The following CEP55 variants were observed in gnomAD, a reference collection of about 807,000 sequenced individuals.
CEP55 encodes the protein centrosomal protein 55, also known as centrosomal protein of 55 kDa.
Under a neutral mutation model 63.2 loss-of-function variants are expected in CEP55, and 57 were observed. The observed-to-expected ratio is 0.90, with a 90% CI of 0.73 to 1.13. The LOEUF (loss-of-function observed/expected upper bound fraction) is 1.13, where lower values mean the gene tolerates loss of function less well. CEP55 is among the 50% of genes most tolerant of loss of function. The probability of loss-of-function intolerance (pLI) is 0.00; values close to 1 mark genes in which losing one functional copy is unlikely to be tolerated. For missense variants in CEP55, 456 were observed against 518.9 expected (o/e 0.88, Z 1.18); for synonymous variants, 178 against 191.6 (o/e 0.93, Z 0.59).
chr10:93,518,617 G>A (rs1348404828), intron 6 of CEP55, among the ~76,000 whole-genome samples: 4 of 152,172 alleles, frequency 2.6e-5, no homozygotes, highest in Non-Finnish European at 5.9e-5. Flanking sequence ...CAGGAAAGGG[G>A]GCATGGCTGC....
intron 8 of CEP55, among the ~76,000 whole-genome samples, chr10:93,523,154 A>G (rs1204225110): frequency 6.6e-6 from 1 of 152,204 alleles, no homozygotes; most frequent in Non-Finnish European, 1.5e-5. Flanking sequence ...AATTTGGATA[A>G]AGAGTCAAGA....
At chr10:93,515,701 T>C (rs2057797296) in intron 5 of CEP55, 146 bp downstream of exon 5, 1 of 767,758 alleles carries the variant, frequency 1.3e-6, no homozygotes, top group South Asian at 3.2e-5. Context: ...AATACCATTT[T>C]TGCAAGTTTT....
chr10:93,514,366 T>A (rs565500140), intron 4 of CEP55, among the ~76,000 whole-genome samples: 2 of 152,260 alleles, frequency 1.3e-5, no homozygotes, highest in African/African-American at 4.8e-5. Context: ...GAGTTTTTAA[T>A]TGGGTTATAA....
intron 8 of CEP55, among the ~76,000 whole-genome samples, chr10:93,525,057 C>T (rs1040587484): frequency 2.7e-4 from 41 of 151,102 alleles, no homozygotes; most frequent in Non-Finnish European, 1.0e-4. Context: ...TCTCACCACT[C>T]CTATTCAACA....
chr10:93,497,248 TCAAC>T (rs1365576388), intron 1 of CEP55, among the ~76,000 whole-genome samples: 2 of 152,172 alleles, frequency 1.3e-5, no homozygotes. Context: ...CTTCAGCTAA[TCAAC>T]CAATCATTTC....
In CEP55 at chr10:93,525,534, G is replaced by A. The variant is rs575261941; in HGVS notation, c.1192-2416G>A. Among the ~76,000 whole-genome samples the A allele has an allele frequency of 6.2e-3, 939 of 152,212 alleles. 8 individuals are homozygous for A. Among genetic ancestry groups the A allele is most frequent in the African/African-American group, 0.021 (891 of 41,532 alleles). ...GCCCAAGGTAATTTATAGATTCAAC[G>A]CCATCCCCATCAAGCTACCAATGAC... On this transcript the variant is annotated intron_variant, in intron 8 of 8. Coordinates refer to ENST00000371485, the MANE Select transcript of CEP55 (RefSeq NM_018131.5).
rs1215508361 is a variant in CEP55 at position 93,496,743 on chromosome 10, C to G, written c.-193C>G. On this transcript the variant is annotated 5_prime_UTR_variant, in exon 1 of 9. Transcript: ENST00000371485. ...GGCGAGGGGCGGCCAGGACCCGCAG[C>G]CCCGGGGCCGGGCCGGTCCGGACCG... 1 of 152,310 alleles carries G rather than the reference C, an allele frequency of 6.6e-6. No individual in the cohort carries two copies. Among genetic ancestry groups the G allele is most frequent in the Admixed American group, 6.5e-5 (1 of 15,292 alleles). 9.4% of individuals were successfully genotyped at this position (152,310 alleles called of 1,614,324 possible).
intron 8 of CEP55, among the ~76,000 whole-genome samples, chr10:93,520,737 T>C (rs1469661858): frequency 6.6e-6 from 1 of 152,078 alleles, no homozygotes; most frequent in African/African-American, 2.4e-5. Context: ...CAGTGAAATG[T>C]TACAAATATG....
intron 4 of CEP55, among the ~76,000 whole-genome samples, chr10:93,509,193 CTT>C (rs2057717912): frequency 6.6e-6 from 1 of 152,102 alleles, no homozygotes; most frequent in African/African-American, 2.4e-5. Flanking sequence ...ATGAAATTAA[CTT>C]TGAAATACTA....
chr10:93,515,007 A>C (rs1022240361), intron 4 of CEP55, among the ~76,000 whole-genome samples: 3 of 152,184 alleles, frequency 2.0e-5, no homozygotes, highest in African/African-American at 7.2e-5. Context: ...TCCTGACCTC[A>C]GGTGATCCAC....
intron 1 of CEP55, among the ~76,000 whole-genome samples, chr10:93,499,607 C>A (rs2057611128): frequency 6.6e-6 from 1 of 151,390 alleles, no homozygotes; most frequent in Non-Finnish European, 1.5e-5. Flanking sequence ...CAGCAACCTC[C>A]ACCTCCCGGG....
rs915830489 is a variant in CEP55, at chr10:93,524,358, C to G, written c.1192-3592C>G. On this transcript the variant is annotated intron_variant, in intron 8 of 8. Coordinates refer to ENST00000371485, the MANE Select transcript of CEP55 (RefSeq NM_018131.5). The stretch of plus-strand genomic sequence containing the variant: ...ATCTAGAAGAAATGGATAAATTCCT[C>G]GACACATACACCCTCCCAAGACTAA... Among the ~76,000 whole-genome samples, 748 of 152,022 alleles carry G rather than the reference C, an allele frequency of 4.9e-3. 5 individuals carry two copies. The highest frequency in any genetic ancestry group is 0.017 in the African/African-American group (716 of 41,488).
rs919082634 is a variant in CEP55, at chr10:93,496,895, T to C, written c.-41T>C. ...CCGGCTGGGCGCCTCAAGACCGTTGTCTCTTCGATCGCTTCTTTGGACTTG... is the reference window on the plus strand; with the variant it reads ...CCGGCTGGGCGCCTCAAGACCGTTGCCTCTTCGATCGCTTCTTTGGACTTG... On this transcript the variant is annotated 5_prime_UTR_variant, in exon 1 of 9. Coordinates refer to ENST00000371485, the MANE Select transcript of CEP55 (RefSeq NM_018131.5). 6.6e-5 allele frequency: 10 copies of C among 152,336 alleles called. No individual in the cohort carries two copies. The highest frequency in any genetic ancestry group is 2.4e-4 in the African/African-American group (10 of 41,466). 9.4% of individuals were successfully genotyped at this position (152,336 alleles called of 1,614,324 possible).
At chr10:93,517,296 T>TGA in intron 6 of CEP55, 48 bp downstream of exon 6, 1 of 1,434,778 alleles carries the variant, frequency 7.0e-7, no homozygotes, top group Non-Finnish European at 9.5e-7. Context: ...GAACACTTTC[T>TGA]AAGTGTCAGG....
At chr10:93,497,840 C>T (rs571480699) in intron 1 of CEP55, among the ~76,000 whole-genome samples, 1 of 151,388 alleles carries the variant, frequency 6.6e-6, no homozygotes, top group Non-Finnish European at 1.5e-5. Context: ...GAAAGGTGGC[C>T]GGGCGCGGTG....
intron 3 of CEP55, among the ~76,000 whole-genome samples, chr10:93,504,061 T>A (rs984238591): frequency 6.6e-6 from 1 of 152,104 alleles, no homozygotes; most frequent in Non-Finnish European, 1.5e-5. Context: ...AATGTAAATA[T>A]GTATGTAAAT....
At chr10:93,497,349 T>C (rs1485719452) in intron 1 of CEP55, among the ~76,000 whole-genome samples, 1 of 152,192 alleles carries the variant, frequency 6.6e-6, no homozygotes, top group African/African-American at 2.4e-5. Context: ...CACTGCAACC[T>C]CTGCCTCCTG....
chr10:93,519,907 T>C (rs1455801002), intron 8 of CEP55, 100 bp downstream of exon 8: 1 of 1,303,986 alleles, frequency 7.7e-7, no homozygotes, highest in East Asian at 2.3e-5. Context: ...CACAGCTAGC[T>C]GTATCTCAAA....
At chr10:93,513,754 A>T (rs1043331467) in intron 4 of CEP55, among the ~76,000 whole-genome samples, 5 of 152,192 alleles carry the variant, frequency 3.3e-5, no homozygotes, top group African/African-American at 9.6e-5. Flanking sequence ...CTGGATTTAT[A>T]GCAAGTCCTC....
Sources: allele counts gnomAD v4.1 joint callset (sites outside exome capture counted in the v4.1 genomes callset), GRCh38; gene constraint gnomAD v4.1.1; transcripts MANE v1.5; gene names NCBI Gene and HGNC (gene_info 2026-07-23, HGNC 2026-07-21).